The following NDUFAF2 variants were observed in gnomAD, a reference collection of about 807,000 sequenced individuals.
NDUFAF2 encodes the protein NADH:ubiquinone oxidoreductase complex assembly factor 2, also known as NADH dehydrogenase [ubiquinone] 1 alpha subcomplex assembly factor 2.
NDUFAF2 carries 13 observed loss-of-function variants against 22.8 expected under a neutral mutation model. The observed-to-expected ratio is 0.57, with a 90% confidence interval of 0.37 to 0.91. NDUFAF2 has a LOEUF of 0.91. Among genes scored for constraint, NDUFAF2 ranks in the 40% least tolerant of loss-of-function variants. The pLI is 0.01. For missense variants in NDUFAF2, 162 were observed against 195.2 expected (o/e 0.83, Z 1.01); for synonymous variants, 53 against 64.2 (o/e 0.83, Z 0.84).
At chr5:61,125,953 T>C (rs971355342) in intron 3 of NDUFAF2, among the ~76,000 whole-genome samples, 1 of 152,040 alleles carries the variant, frequency 6.6e-6, no homozygotes, top group Non-Finnish European at 1.5e-5. Context: ...TCCAATCATA[T>C]TGTTAGCATA....
At chr5:61,066,575 A>G (rs546969639) in intron 1 of NDUFAF2, among the ~76,000 whole-genome samples, 25 of 146,704 alleles carry the variant, frequency 1.7e-4, no homozygotes, top group African/African-American at 5.9e-4. Context: ...AAATCAATCT[A>G]TACATATATG....
At chr5:61,014,093 A>G (rs1457862377) in intron 1 of NDUFAF2, among the ~76,000 whole-genome samples, 1 of 152,214 alleles carries the variant, frequency 6.6e-6, no homozygotes, top group African/African-American at 2.4e-5. Context: ...TAGTTTAAGA[A>G]TGGGGCTGGT....
intron 3 of NDUFAF2, among the ~76,000 whole-genome samples, chr5:61,138,848 A>G (rs1191677999): frequency 6.6e-6 from 1 of 152,200 alleles, no homozygotes; most frequent in Non-Finnish European, 1.5e-5. Context: ...GTCTAATTGT[A>G]TGGCCTTAAG....
intron 1 of NDUFAF2, among the ~76,000 whole-genome samples, chr5:61,067,653 G>A (rs1291870536): frequency 1.3e-5 from 2 of 152,078 alleles, no homozygotes; most frequent in East Asian, 1.9e-4. Flanking sequence ...AGCATTATTT[G>A]TAGTCCTTTG....
At chr5:61,010,327 T>C (rs551580968) in intron 1 of NDUFAF2, among the ~76,000 whole-genome samples, 6 of 152,246 alleles carry the variant, frequency 3.9e-5, no homozygotes, top group African/African-American at 1.4e-4. Context: ...TCTGCCTTTC[T>C]GACAAGTATT....
At chr5:60,948,665 T>C (rs1372569807) in intron 1 of NDUFAF2, among the ~76,000 whole-genome samples, 1 of 152,210 alleles carries the variant, frequency 6.6e-6, no homozygotes, top group Admixed American at 6.5e-5. Context: ...TAATATTCCA[T>C]TGTATGTATA....
chr5:61,125,009 A>T (rs1753018320), intron 3 of NDUFAF2, among the ~76,000 whole-genome samples: 1 of 151,934 alleles, frequency 6.6e-6, no homozygotes, highest in South Asian at 2.1e-4. Context: ...AAACCACCAG[A>T]TTTTGTGAGA....
At chr5:60,987,359 G>A (rs1409758620) in intron 1 of NDUFAF2, among the ~76,000 whole-genome samples, 1 of 152,132 alleles carries the variant, frequency 6.6e-6, no homozygotes, top group Non-Finnish European at 1.5e-5. Context: ...GTATAAAGAA[G>A]AGCTGGTACC....
rs182356237 is a variant in NDUFAF2 at position 60,970,058 on chromosome 5, T to C, written c.127+24676T>C. 8.9e-4 allele frequency among the ~76,000 whole-genome samples: 136 copies of C among 152,276 alleles called. 1 individual carries two copies. Among genetic ancestry groups the C allele is most frequent in the African/African-American group, 3.2e-3 (132 of 41,578 alleles). On this transcript the variant is annotated intron_variant, in intron 1 of 3. Coordinates refer to ENST00000296597, the MANE Select transcript of NDUFAF2 (RefSeq NM_174889.5). ...TAGGTGTATGGATTTATTTATGGGTTCTCTATTCTGTTCCACTGACCTATG... is the reference window on the plus strand; with the variant it reads ...TAGGTGTATGGATTTATTTATGGGTCCTCTATTCTGTTCCACTGACCTATG...
intron 1 of NDUFAF2, among the ~76,000 whole-genome samples, chr5:61,005,914 T>C (rs1458601605): frequency 2.6e-5 from 4 of 152,198 alleles, no homozygotes; most frequent in Admixed American, 2.6e-4. Context: ...TGATGGTAGT[T>C]TCTTTTGCTG....
At chr5:60,998,051 A>C (rs757040154) in intron 1 of NDUFAF2, among the ~76,000 whole-genome samples, 94 of 152,200 alleles carry the variant, frequency 6.2e-4, no homozygotes, top group Non-Finnish European at 1.2e-3. Flanking sequence ...TTCTCAAACT[A>C]TAAATCTGGG....
chr5:61,097,898 G>T (rs1028116140), intron 2 of NDUFAF2, among the ~76,000 whole-genome samples: 1 of 152,096 alleles, frequency 6.6e-6, no homozygotes, highest in Admixed American at 6.5e-5. Context: ...TAAATTTGAG[G>T]AATTCATTTT....
intron 1 of NDUFAF2, among the ~76,000 whole-genome samples, chr5:61,049,890 C>CAT (rs1752002565): frequency 6.7e-6 from 1 of 148,840 alleles, no homozygotes; most frequent in African/African-American, 2.5e-5. Context: ...AAATTATACA[C>CAT]ACACACACAC....
At chr5:61,036,115 T>C (rs1751797495) in intron 1 of NDUFAF2, among the ~76,000 whole-genome samples, 1 of 152,198 alleles carries the variant, frequency 6.6e-6, no homozygotes. Flanking sequence ...CTTGGGATGA[T>C]GTTAAGGGCA....
At chr5:61,002,706 G>A (rs1279339215) in intron 1 of NDUFAF2, among the ~76,000 whole-genome samples, 1 of 152,072 alleles carries the variant, frequency 6.6e-6, no homozygotes, top group African/African-American at 2.4e-5. Context: ...TTTGTATCTG[G>A]AGTGATGCAT....
chr5:60,998,900 A>C (rs1751261236), intron 1 of NDUFAF2, among the ~76,000 whole-genome samples: 1 of 151,772 alleles, frequency 6.6e-6, no homozygotes, highest in Non-Finnish European at 1.5e-5. Flanking sequence ...ATTTTTTTTA[A>C]TTTTTGAGAA....
chr5:60,999,330 G>A (rs1751266987), intron 1 of NDUFAF2, among the ~76,000 whole-genome samples: 1 of 152,006 alleles, frequency 6.6e-6, no homozygotes, highest in South Asian at 2.1e-4. Flanking sequence ...TCTATCAATG[G>A]ATGAATGAGT....
At chr5:61,063,473 G>C (rs1580118614) in intron 1 of NDUFAF2, among the ~76,000 whole-genome samples, 1 of 152,024 alleles carries the variant, frequency 6.6e-6, no homozygotes, top group Non-Finnish European at 1.5e-5. Flanking sequence ...CTCCAGCCAG[G>C]AGTTTGGGTG....
At chr5:60,997,637 T>C (rs1004498317) in intron 1 of NDUFAF2, among the ~76,000 whole-genome samples, 3 of 152,206 alleles carry the variant, frequency 2.0e-5, no homozygotes, top group African/African-American at 7.2e-5. Context: ...AGCATAATTA[T>C]TCATAACTAA....
Sources: gnomAD v4.1 joint callset for allele counts (sites outside exome capture counted in the v4.1 genomes callset) on GRCh38, gnomAD v4.1.1 for gene constraint, MANE v1.5 for transcripts, NCBI Gene and HGNC (gene_info 2026-07-23, HGNC 2026-07-21) for gene names.